SLC5A3: variants seen among roughly 807,000 people sequenced by gnomAD.
SLC5A3 encodes sodium/myo-inositol cotransporter.
SLC5A3 carries 10 observed loss-of-function variants against 43.2 expected under a neutral mutation model. The ratio of observed to expected loss-of-function variants is 0.23; its 90% CI spans 0.14 to 0.39. SLC5A3 has a LOEUF of 0.39. Among genes scored for constraint, SLC5A3 ranks in the 10% least tolerant of loss-of-function variants. SLC5A3 has a pLI of 1.00. For synonymous variants in SLC5A3, 349 were observed against 322.0 expected, an observed-to-expected ratio of 1.08 and a Z score of -0.90; for missense variants, 608 against 893.4, an observed-to-expected ratio of 0.68 and a Z score of 4.07.
Position 34,096,433 on chromosome 21 carries a change from G to A in SLC5A3, c.1235G>A (p.Arg412Lys). The part of the protein sequence containing the change: ...ASSRELMIVG[R>K]IFVAFMVVIS... ...TCCCGGGAGTTAATGATTGTGGGGA[G>A]GATATTTGTGGCATTTATGGTGGTG... Residue 412 changes from arginine to lysine, a missense_variant, in exon 2 of 2, where the codon AGG becomes AAG. This residue lies in a region of SLC5A3 where 398 missense variants were observed against 668.6 expected (regional missense o/e 0.60). Coordinates refer to ENST00000381151, the MANE Select transcript of SLC5A3 (RefSeq NM_006933.7). This position sits in a 1 kb window ranked among gnomAD's most constrained non-coding sequence, Gnocchi z 5.9. 3 of 1,614,190 alleles carry A rather than the reference G, an allele frequency of 1.9e-6. No individual in the cohort carries two copies. Among genetic ancestry groups the A allele is most frequent in the Non-Finnish European group, 2.5e-6 (3 of 1,180,032 alleles).
In SLC5A3 at chr21:34,094,178, T is replaced by C. The variant is rs79460418; in HGVS notation, c.-336-685T>C. Among the ~76,000 whole-genome samples, 600 of 152,318 alleles carry C rather than the reference T, an allele frequency of 3.9e-3. 5 individuals carry two copies. The highest frequency in any genetic ancestry group is 0.014 in the African/African-American group (574 of 41,572). On this transcript the variant is annotated intron_variant, in intron 1 of 1. Coordinates refer to ENST00000381151, the MANE Select transcript of SLC5A3 (RefSeq NM_006933.7). ...GAAATAATACAATTTTTGAGTTGTT[T>C]TGTAAGTTGGATATTTTTAGTTTTG...
Position 34,097,958 on chromosome 21 carries a change from T to C in SLC5A3, c.*603T>C. 2.0e-6 allele frequency: 2 copies of C among 995,922 alleles called. No homozygotes were observed. The highest frequency in any genetic ancestry group is 2.4e-6 in the Non-Finnish European group (2 of 826,302). The allele number at this position is 995,922 out of a possible 1,614,324, so 61.7% of individuals were successfully genotyped here. Reference sequence around the variant, plus strand: ...TGTAGGTATTTTTGTACCACCAGTATATGGAATGTTAGGGAAAAACTTTGT... The same window carrying C: ...TGTAGGTATTTTTGTACCACCAGTACATGGAATGTTAGGGAAAAACTTTGT... On this transcript the variant is annotated 3_prime_UTR_variant, in exon 2 of 2. Transcript: ENST00000381151.
rs115027978 is a variant in SLC5A3 at position 34,101,227 on chromosome 21, A to C, written c.*3872A>C. 4.5e-4 allele frequency: 452 copies of C among 1,000,152 alleles called. 1 individual carries two copies. In the African/African-American group the frequency reaches 7.5e-3, roughly 17 times the overall value. 62.0% of individuals were successfully genotyped at this position (1,000,152 alleles called of 1,614,324 possible). On this transcript the variant is annotated 3_prime_UTR_variant, in exon 2 of 2. Transcript: ENST00000381151. ...TTAGCTTAAAATCTGCATATGTAGA[A>C]TCATTTTCATTAGATTTAGAGCTTG...
At position 34,106,229 on chromosome 21, in the gene SLC5A3, C is replaced by T. The variant is rs945810309; in HGVS notation, c.*8874C>T. On this transcript the variant is annotated 3_prime_UTR_variant, in exon 2 of 2. Transcript: ENST00000381151. ...TTATTTTATGGAAATGTTAGCAATT[C>T]TGTACCAACTTTGAATAAAATGAAA... is the stretch of plus-strand genomic sequence containing the variant. 8.5e-6 allele frequency: 8 copies of T among 935,882 alleles called. No homozygotes were observed. The African/African-American group carries it at 1.4e-4, about 17-fold the overall frequency. The allele number at this position is 935,882 out of a possible 1,614,324, so 58.0% of individuals were successfully genotyped here.
At chr21:34,076,117 T>C (rs1989324303) in intron 1 of SLC5A3, among the ~76,000 whole-genome samples, 1 of 152,192 alleles carries the variant, frequency 6.6e-6, no homozygotes, top group South Asian at 2.1e-4. Flanking sequence ...TTGAGGAAAA[T>C]GCTGTGTTAG....
Position 34,099,826 on chromosome 21 carries a change from AT to A in SLC5A3, c.*2475del. 4.9e-6 allele frequency: 3 copies of A among 606,580 alleles called. No homozygotes were observed. Among genetic ancestry groups the A allele is most frequent in the Non-Finnish European group, 6.4e-6 (3 of 471,140 alleles). The allele number at this position is 606,580 out of a possible 1,614,324, so 37.6% of individuals were successfully genotyped here. ...GTTTATTCTTGCCAGTATAAACATCATTTTATTTAGACTAAAGTCCCTGAAG... is the reference window on the plus strand; with the variant it reads ...GTTTATTCTTGCCAGTATAAACATCATTTATTTAGACTAAAGTCCCTGAAG... On this transcript the variant is annotated 3_prime_UTR_variant, in exon 2 of 2. Transcript: ENST00000381151.
At chr21:34,086,975 C>T (rs966297002) in intron 1 of SLC5A3, among the ~76,000 whole-genome samples, 6 of 152,268 alleles carry the variant, frequency 3.9e-5, no homozygotes, top group African/African-American at 1.4e-4. Flanking sequence ...AAGGTCTGCA[C>T]ATATCACTGC....
In SLC5A3 at chr21:34,100,608, A is replaced by G. The variant is rs1159056070; in HGVS notation, c.*3253A>G. On this transcript the variant is annotated 3_prime_UTR_variant, in exon 2 of 2. Transcript: ENST00000381151. Reference sequence around the variant, plus strand: ...TGTAGCCATAGCTCTTAGGGATGATACCTCAAGAAATTAGCTGGGACCCAT... The same window carrying G: ...TGTAGCCATAGCTCTTAGGGATGATGCCTCAAGAAATTAGCTGGGACCCAT... The G allele has an allele frequency of 3.0e-6, 3 of 1,000,114 alleles. No individual in the cohort carries two copies. Among genetic ancestry groups the G allele is most frequent in the Non-Finnish European group, 3.6e-6 (3 of 829,980 alleles). The allele number at this position is 1,000,114 out of a possible 1,614,324, so 62.0% of individuals were successfully genotyped here.
At position 34,104,384 on chromosome 21, in the gene SLC5A3, G is replaced by C. The variant is rs145168781; in HGVS notation, c.*7029G>C. ...TTTTCCACCTCCTCACTTCACCTCCGAGTAGCTTGTTTATCAAGAATGAAT... is the reference window on the plus strand; with the variant it reads ...TTTTCCACCTCCTCACTTCACCTCCCAGTAGCTTGTTTATCAAGAATGAAT... On this transcript the variant is annotated 3_prime_UTR_variant, in exon 2 of 2. Transcript: ENST00000381151. 19 of 1,000,092 alleles carry C rather than the reference G, an allele frequency of 1.9e-5. No homozygotes were observed. The African/African-American group carries it at 2.8e-4, about 15-fold the overall frequency. 62.0% of individuals were successfully genotyped at this position (1,000,092 alleles called of 1,614,324 possible).
At chr21:34,093,522 C>T (rs1978813187) in intron 1 of SLC5A3, among the ~76,000 whole-genome samples, 2 of 152,048 alleles carry the variant, frequency 1.3e-5, no homozygotes, top group East Asian at 1.9e-4. Flanking sequence ...CTGTTTTGAA[C>T]GGTTTTGAGA....
At position 34,103,993 on chromosome 21, in the gene SLC5A3, A is replaced by G. The variant is rs888877360; in HGVS notation, c.*6638A>G. 6 of 999,974 alleles carry G rather than the reference A, an allele frequency of 6.0e-6. No individual in the cohort carries two copies. The African/African-American group carries it at 1.0e-4, about 17-fold the overall frequency. 61.9% of individuals were successfully genotyped at this position (999,974 alleles called of 1,614,324 possible). A position where few individuals can be genotyped will look rare whatever the true frequency, so the allele number is the denominator to read the frequency against. ...TTGGGGTTTTTTGTAAAAAATCTTA[A>G]ATCTTTTAGGAAATATTACCTCTTA... On this transcript the variant is annotated 3_prime_UTR_variant, in exon 2 of 2. Transcript: ENST00000381151.
Position 34,103,926 on chromosome 21 carries a change from G to T in SLC5A3, c.*6571G>T. On this transcript the variant is annotated 3_prime_UTR_variant, in exon 2 of 2. Coordinates refer to ENST00000381151, the MANE Select transcript of SLC5A3 (RefSeq NM_006933.7). ...GGGACAGATGTCTAGGTTTTTGGTGGGTGGAACAGGTGACATATTTCTGTT... is the reference window on the plus strand; with the variant it reads ...GGGACAGATGTCTAGGTTTTTGGTGTGTGGAACAGGTGACATATTTCTGTT... 1 of 1,000,120 alleles carries T rather than the reference G, an allele frequency of 1.0e-6. No homozygotes were observed. Among genetic ancestry groups the T allele is most frequent in the Non-Finnish European group, 1.2e-6 (1 of 829,930 alleles). 62.0% of individuals were successfully genotyped at this position (1,000,120 alleles called of 1,614,324 possible).
At chr21:34,089,663 CTCCTG>C (rs1176541008) in intron 1 of SLC5A3, among the ~76,000 whole-genome samples, 2 of 152,270 alleles carry the variant, frequency 1.3e-5, no homozygotes, top group East Asian at 3.9e-4. Context: ...CCCCTCCCCA[CTCCTG>C]TCCCGGGAGA....
Position 34,099,723 on chromosome 21 carries a change from G to A in SLC5A3, c.*2368G>A, listed in dbSNP as rs1283498799. On this transcript the variant is annotated 3_prime_UTR_variant, in exon 2 of 2. Transcript: ENST00000381151. The stretch of plus-strand genomic sequence containing the variant: ...ATAAGGTACATCATCTTGTGTCTGT[G>A]TGTATATAGCAGTAGGTCAAGTTTA... 1.0e-6 allele frequency: 1 copy of A among 997,822 alleles called. No individual in the cohort carries two copies. The highest frequency in any genetic ancestry group is 1.7e-5 in the African/African-American group (1 of 57,168). The allele number at this position is 997,822 out of a possible 1,614,324, so 61.8% of individuals were successfully genotyped here. A position where few individuals can be genotyped will look rare whatever the true frequency, so the allele number is the denominator to read the frequency against.
At position 34,083,214 on chromosome 21, in the gene SLC5A3, C is replaced by T. The variant is rs541502118; in HGVS notation, c.-337+9469C>T. Among the ~76,000 whole-genome samples the T allele has an allele frequency of 6.6e-5, 10 of 152,242 alleles. No homozygotes were observed. In the East Asian group the frequency reaches 7.7e-4, roughly 12 times the overall value. ...GGATATAATCCAGTTTGAGAAAATT[C>T]TCATTGTGGTGATCAGAAGTGCAGT... is the stretch of plus-strand genomic sequence containing the variant. On this transcript the variant is annotated intron_variant, in intron 1 of 1. Transcript: ENST00000381151.
At chr21:34,086,588 C>G (rs1044323686) in intron 1 of SLC5A3, among the ~76,000 whole-genome samples, 2 of 151,578 alleles carry the variant, frequency 1.3e-5, no homozygotes, top group Non-Finnish European at 2.9e-5. Context: ...CGTTCTTCAT[C>G]TTTATTTCAG....
At chr21:34,085,824 G>A (rs1451362322) in intron 1 of SLC5A3, among the ~76,000 whole-genome samples, 2 of 152,094 alleles carry the variant, frequency 1.3e-5, no homozygotes, top group Non-Finnish European at 2.9e-5. Flanking sequence ...GGGTGGTCTT[G>A]ATGTCCTGAC....
rs16991209 is a variant in SLC5A3, at chr21:34,100,765, C to T, written c.*3410C>T. ...GTGTCTGTATTCGCAGTCCATGGCT[C>T]ATTTTCTTTATAGTAGGCATATGGA... On this transcript the variant is annotated 3_prime_UTR_variant, in exon 2 of 2. Transcript: ENST00000381151. The T allele has an allele frequency of 5.4e-3, 5,441 of 1,000,158 alleles. 107 individuals are homozygous for T. The South Asian group carries it at 0.078, about 14-fold the overall frequency. The allele number at this position is 1,000,158 out of a possible 1,614,324, so 62.0% of individuals were successfully genotyped here.
chr21:34,103,626 T>C lies in SLC5A3; in HGVS notation c.*6271T>C. 1 of 1,000,094 alleles carries C rather than the reference T, an allele frequency of 1.0e-6. No homozygotes were observed. Among genetic ancestry groups the C allele is most frequent in the Non-Finnish European group, 1.2e-6 (1 of 829,850 alleles). 62.0% of individuals were successfully genotyped at this position (1,000,094 alleles called of 1,614,324 possible). A position where few individuals can be genotyped will look rare whatever the true frequency, so the allele number is the denominator to read the frequency against. ...CCACACATAGAAAGCACAAGACTAA[T>C]AGTATTCTCTGTATCCCACAAGTGC... On this transcript the variant is annotated 3_prime_UTR_variant, in exon 2 of 2. Transcript: ENST00000381151.
Sources: allele counts gnomAD v4.1 joint callset (sites outside exome capture counted in the v4.1 genomes callset), GRCh38; gene constraint gnomAD v4.1.1; regional missense constraint gnomAD v4.1.1; non-coding constraint Gnocchi (gnomAD v3.1); transcripts MANE v1.5; gene names NCBI Gene and HGNC (gene_info 2026-07-23, HGNC 2026-07-21).